The following PTPRO variants were observed in gnomAD, a reference collection of about 807,000 sequenced individuals.
PTPRO encodes the protein protein tyrosine phosphatase receptor type O.
In PTPRO, 62 loss-of-function variants were observed where a neutral mutation model predicts 145.2. That is an observed-to-expected ratio of 0.43 (90% confidence interval 0.35 to 0.53). The LOEUF (loss-of-function observed/expected upper bound fraction) is 0.53, where lower values mean the gene tolerates loss of function less well. Ranked by LOEUF, PTPRO falls within the 20% of genes least tolerant of loss-of-function variation. PTPRO has a pLI of 0.01. For synonymous variants in PTPRO, 565 were observed against 514.7 expected (o/e 1.10, Z -1.32); for missense variants, 1,345 against 1,482.7 (o/e 0.91, Z 1.53).
intron 1 of PTPRO, among the ~76,000 whole-genome samples, chr12:15,327,058 T>C (rs945874107): frequency 2.6e-5 from 4 of 152,224 alleles, no homozygotes; most frequent in African/African-American, 9.6e-5. Context: ...TGACTGAGAA[T>C]TATGAAATAT....
chr12:15,483,567 A>T (rs1428017329), intron 1 of PTPRO, among the ~76,000 whole-genome samples: 1 of 152,136 alleles, frequency 6.6e-6, no homozygotes. Flanking sequence ...CCTCTAAAGT[A>T]AAAAGAGTAC....
chr12:15,544,361 TG>T (rs1943237266), intron 12 of PTPRO, among the ~76,000 whole-genome samples: 1 of 151,590 alleles, frequency 6.6e-6, no homozygotes, highest in Admixed American at 6.6e-5. Context: ...AAAAATTAGC[TG>T]GGCATGGTGG....
chr12:15,506,086 T>C (rs1315531800), intron 6 of PTPRO, among the ~76,000 whole-genome samples: 2 of 152,356 alleles, frequency 1.3e-5, no homozygotes, highest in East Asian at 3.9e-4. Context: ...TAGCCTGCCA[T>C]GACCCATGTC....
At chr12:15,454,425 G>C (rs986845972) in intron 1 of PTPRO, among the ~76,000 whole-genome samples, 7 of 152,042 alleles carry the variant, frequency 4.6e-5, no homozygotes, top group Non-Finnish European at 7.4e-5. Flanking sequence ...CTATACTTTT[G>C]CTAATTAAGT....
At chr12:15,494,282 C>T (rs1294811920) in intron 2 of PTPRO, among the ~76,000 whole-genome samples, 1 of 152,092 alleles carries the variant, frequency 6.6e-6, no homozygotes, top group African/African-American at 2.4e-5. Context: ...CCAACAACTC[C>T]ATTTCTCTGT....
At chr12:15,513,153 AAGAAAAAG>A (rs1171128776) in intron 7 of PTPRO, among the ~76,000 whole-genome samples, 22 of 34,702 alleles carry the variant, frequency 6.3e-4, no homozygotes, top group South Asian at 6.3e-3. Context: ...GAAAGAAAGA[AAGAAAAAG>A]AAAGAAAGAA....
chr12:15,369,068 C>G lies in PTPRO; in HGVS notation c.75+46267C>G, dbSNP rs540047937. 9.2e-5 allele frequency among the ~76,000 whole-genome samples: 14 copies of G among 152,250 alleles called. No individual in the cohort carries two copies. In the South Asian group the frequency reaches 2.9e-3, roughly 32 times the overall value. On this transcript the variant is annotated intron_variant, in intron 1 of 26. Transcript: ENST00000281171. ...GCCAATGTGCTGCTTCATTAATTCT[C>G]TAACCATCGTGAGGGTGTGAGGGAG...
chr12:15,593,917 C>A (rs532559480), intron 25 of PTPRO, among the ~76,000 whole-genome samples: 27 of 151,860 alleles, frequency 1.8e-4, no homozygotes, highest in Non-Finnish European at 3.5e-4. Context: ...TTAATATTTC[C>A]TCAGTTTACT....
chr12:15,418,234 G>A (rs1940036743), intron 1 of PTPRO, among the ~76,000 whole-genome samples: 1 of 151,800 alleles, frequency 6.6e-6, no homozygotes, highest in Non-Finnish European at 1.5e-5. Context: ...ACTTGCTGCA[G>A]TGTGAATGTG....
In PTPRO at chr12:15,352,803, G is replaced by A. The variant is rs572320234; in HGVS notation, c.75+30002G>A. Among the ~76,000 whole-genome samples the A allele has an allele frequency of 4.6e-5, 7 of 152,248 alleles. No homozygotes were observed. In the South Asian group the frequency reaches 1.5e-3, roughly 32 times the overall value. Reference sequence around the variant, plus strand: ...GATTCAGCCTTGATACACACGAATTGGAAGAATAGCTTACATAAACAGCCT... The same window carrying A: ...GATTCAGCCTTGATACACACGAATTAGAAGAATAGCTTACATAAACAGCCT... On this transcript the variant is annotated intron_variant, in intron 1 of 26. Transcript: ENST00000281171.
chr12:15,514,574 C>A (rs1375889657), intron 7 of PTPRO, among the ~76,000 whole-genome samples: 2 of 151,576 alleles, frequency 1.3e-5, no homozygotes, highest in African/African-American at 4.9e-5. Flanking sequence ...CAGGATATCT[C>A]GATGCTTAGC....
intron 1 of PTPRO, among the ~76,000 whole-genome samples, chr12:15,346,077 G>C (rs979774242): frequency 1.3e-5 from 2 of 152,074 alleles, no homozygotes; most frequent in Admixed American, 1.3e-4. Flanking sequence ...TAAATAGAGT[G>C]AATTTTAGCT....
At chr12:15,553,483 C>G (rs543420120) in intron 15 of PTPRO, among the ~76,000 whole-genome samples, 10 of 152,046 alleles carry the variant, frequency 6.6e-5, no homozygotes, top group African/African-American at 2.2e-4. Flanking sequence ...GTGGCAAGAA[C>G]AGCTGGTGTA....
chr12:15,569,439 G>C lies in PTPRO; in HGVS notation c.2770G>C (p.Asp924His). 1 of 1,613,664 alleles carries C rather than the reference G, an allele frequency of 6.2e-7. No homozygotes were observed. Among genetic ancestry groups the C allele is most frequent in the South Asian group, 1.1e-5 (1 of 91,068 alleles). Residue 924 changes from aspartate (D) to histidine (H), a missense_variant, in exon 19 of 27, where the codon GAT (aspartate) becomes CAT (histidine). Asp to His is a moderately conservative substitution (Grantham distance 81). Around this residue, in one of 3 missense-constraint regions of PTPRO, gnomAD observed 1,130 missense variants for 1,214.7 expected, o/e 0.93. Coordinates refer to ENST00000281171, the MANE Select transcript of PTPRO (RefSeq NM_030667.3). ...AAGCCCGGTTCAACTGGATGACTTT[G>C]ATGCCTATATTAAGGATATGGCCAA... ...LTNPVQLDDF[D>H]AYIKDMAKDS...
At chr12:15,560,451 G>A (rs1374769755) in intron 17 of PTPRO, among the ~76,000 whole-genome samples, 175 bp downstream of exon 17, 1 of 152,008 alleles carries the variant, frequency 6.6e-6, no homozygotes, top group African/African-American at 2.4e-5. Flanking sequence ...TTAACTATAA[G>A]GTTTTCCGTT....
chr12:15,439,298 G>T (rs1485010774), intron 1 of PTPRO, among the ~76,000 whole-genome samples: 2 of 152,120 alleles, frequency 1.3e-5, no homozygotes, highest in African/African-American at 2.4e-5. Context: ...ATGAAAGAAC[G>T]ATACCTGTAA....
Position 15,569,035 on chromosome 12 carries a change from T to C in PTPRO, c.2748-382T>C, listed in dbSNP as rs376194506. Among the ~76,000 whole-genome samples, 13 of 152,322 alleles carry C rather than the reference T, an allele frequency of 8.5e-5. 1 individual carries two copies. Among genetic ancestry groups the C allele is most frequent in the African/African-American group, 3.1e-4 (13 of 41,584 alleles). On this transcript the variant is annotated intron_variant, in intron 18 of 26. Transcript: ENST00000281171. Reference sequence around the variant, plus strand: ...CGATTCTCTAGGATAACACAGTCAATAAAGCAAAACCATAACTCAAACAGG... The same window carrying C: ...CGATTCTCTAGGATAACACAGTCAACAAAGCAAAACCATAACTCAAACAGG...
chr12:15,427,547 T>G (rs1308256421), intron 1 of PTPRO, among the ~76,000 whole-genome samples: 1 of 151,766 alleles, frequency 6.6e-6, no homozygotes, highest in African/African-American at 2.4e-5. Context: ...ACTGATAATT[T>G]TATCTCTTCT....
At chr12:15,499,793 A>G (rs1942180959) in intron 4 of PTPRO, among the ~76,000 whole-genome samples, 199 bp downstream of exon 4, 2 of 152,218 alleles carry the variant, frequency 1.3e-5, no homozygotes, top group Non-Finnish European at 2.9e-5. Flanking sequence ...AAATATGTCA[A>G]TGTAATCATA....
Sources: allele counts gnomAD v4.1 joint callset (sites outside exome capture counted in the v4.1 genomes callset), GRCh38; gene constraint gnomAD v4.1.1; regional missense constraint gnomAD v4.1.1; transcripts MANE v1.5; gene names NCBI Gene and HGNC (gene_info 2026-07-23, HGNC 2026-07-21).